Variants in ANKRD13A observed in about 807,000 individuals in gnomAD.
ANKRD13A encodes ankyrin repeat domain 13A.
In ANKRD13A, 48 loss-of-function variants were observed where a neutral mutation model predicts 81.3. The observed-to-expected ratio is 0.59, with a 90% CI of 0.47 to 0.75. The LOEUF (loss-of-function observed/expected upper bound fraction) is 0.75. Among genes scored for constraint, ANKRD13A ranks in the 30% least tolerant of loss-of-function variants. ANKRD13A has a pLI of 0.00. For missense variants in ANKRD13A, 612 were observed against 734.0 expected, an observed-to-expected ratio of 0.83 and a Z score of 1.92; for synonymous variants, 230 against 270.1, an observed-to-expected ratio of 0.85 and a Z score of 1.45.
At chr12:110,024,494 AT>A (rs1891223898) in intron 7 of ANKRD13A, among the ~76,000 whole-genome samples, 1 of 152,154 alleles carries the variant, frequency 6.6e-6, no homozygotes, top group Non-Finnish European at 1.5e-5. Flanking sequence ...TTTTTGTTAA[AT>A]CAGCTTAATT....
intron 4 of ANKRD13A, among the ~76,000 whole-genome samples, chr12:110,017,158 C>T (rs1028210702): frequency 3.3e-5 from 5 of 152,158 alleles, no homozygotes; most frequent in Non-Finnish European, 7.3e-5. Context: ...GATCCAACTG[C>T]CCCAGCCCCC....
At position 110,023,966 on chromosome 12, in the gene ANKRD13A, A is replaced by G. The variant is rs144337427; in HGVS notation, c.735-80A>G. The stretch of plus-strand genomic sequence containing the variant: ...CTTCACTAACTTAAGCTGGGGGGGA[A>G]AAAAACTATAAAGGCTACAGATATA... On this transcript the variant is annotated intron_variant, in intron 6 of 14. Transcript: ENST00000261739. The G allele has an allele frequency of 1.1e-4, 153 of 1,433,364 alleles. No homozygotes were observed. The Admixed American group carries it at 2.3e-3, about 22-fold the overall frequency. 88.8% of individuals were successfully genotyped at this position (1,433,364 alleles called of 1,614,324 possible).
At chr12:110,021,665 T>C (rs1254083776) in intron 6 of ANKRD13A, 1 of 152,368 alleles carries the variant, frequency 6.6e-6, no homozygotes, top group Non-Finnish European at 1.5e-5. Context: ...CCTCAGGTGA[T>C]CTGCCTACTT....
rs1593238555 is a variant in ANKRD13A, at chr12:110,038,331, G to T, written c.*777G>T. The T allele has an allele frequency of 5.2e-5, 8 of 152,780 alleles. 2 individuals carry two copies. Among genetic ancestry groups the T allele is most frequent in the Admixed American group, 5.2e-4 (8 of 15,302 alleles). 9.5% of individuals were successfully genotyped at this position (152,780 alleles called of 1,614,324 possible). Reference sequence around the variant, plus strand: ...GCAGGATTCTCCAGGCTAAATCAAAGGCAGCTAATCCTGTCCCTGAAGGAG... The same window carrying T: ...GCAGGATTCTCCAGGCTAAATCAAATGCAGCTAATCCTGTCCCTGAAGGAG... On this transcript the variant is annotated 3_prime_UTR_variant, in exon 15 of 15. Transcript: ENST00000261739.
rs2287175 is a variant in ANKRD13A, at chr12:110,037,732, C to T, written c.*178C>T. On this transcript the variant is annotated 3_prime_UTR_variant, in exon 15 of 15. Transcript: ENST00000261739. ...ACTCCTGGGCCCATCCAGGCTGCTC[C>T]CTGGGGTGGAGAAGGGACCAGGGAT... 0.04 allele frequency: 23,278 copies of T among 584,640 alleles called. 668 individuals carry two copies. Among genetic ancestry groups the T allele is most frequent in the African/African-American group, 0.092 (4,895 of 53,328 alleles). 36.2% of individuals were successfully genotyped at this position (584,640 alleles called of 1,614,324 possible). A position where few individuals can be genotyped will look rare whatever the true frequency, so the allele number is the denominator to read the frequency against.
rs772989142 is a variant in ANKRD13A, at chr12:110,037,556, C to A, written c.*2C>A. ...CAGCTGTCACTCACTGACAAATAGACCTTTCAGCCTGTGAGCCTCTGCACA... is the reference window on the plus strand; with the variant it reads ...CAGCTGTCACTCACTGACAAATAGAACTTTCAGCCTGTGAGCCTCTGCACA... On this transcript the variant is annotated 3_prime_UTR_variant, in exon 15 of 15. Transcript: ENST00000261739. 1.2e-6 allele frequency: 2 copies of A among 1,611,894 alleles called. No homozygotes were observed. Among genetic ancestry groups the A allele is most frequent in the Non-Finnish European group, 8.5e-7 (1 of 1,179,528 alleles).
intron 6 of ANKRD13A, chr12:110,021,624 C>T (rs1891087602): frequency 6.6e-6 from 1 of 152,068 alleles, no homozygotes; most frequent in African/African-American, 2.4e-5. Flanking sequence ...GGGGTTTCAC[C>T]ACGTTGGCCA....
Position 110,039,063 on chromosome 12 carries a change from G to GTT in ANKRD13A, c.*1512_*1513dup, listed in dbSNP as rs1211333897. The stretch of plus-strand genomic sequence containing the variant: ...TGCTTTTAATTCCATTTCACAATCT[G>GTT]TTTTGTTTTTTTTTTTTGTCATTGT... On this transcript the variant is annotated 3_prime_UTR_variant, in exon 15 of 15. Coordinates refer to ENST00000261739, the MANE Select transcript of ANKRD13A (RefSeq NM_033121.2). 1 of 144,854 alleles carries GTT rather than the reference G, an allele frequency of 6.9e-6. No homozygotes were observed. Among genetic ancestry groups the GTT allele is most frequent in the African/African-American group, 2.7e-5 (1 of 36,642 alleles). 9.0% of individuals were successfully genotyped at this position (144,854 alleles called of 1,614,324 possible).
chr12:110,026,734 T>C (rs1891365414), intron 8 of ANKRD13A, among the ~76,000 whole-genome samples: 1 of 151,798 alleles, frequency 6.6e-6, no homozygotes, highest in Admixed American at 6.6e-5. Context: ...ATACAAAAAT[T>C]AACCAGGCGT....
At position 110,036,144 on chromosome 12, in the gene ANKRD13A, A is replaced by G; in HGVS notation, c.1510-117A>G. 3.1e-6 allele frequency: 3 copies of G among 960,094 alleles called. No homozygotes were observed. Among genetic ancestry groups the G allele is most frequent in the South Asian group, 1.3e-5 (1 of 74,850 alleles). The allele number at this position is 960,094 out of a possible 1,614,324, so 59.5% of individuals were successfully genotyped here. A position where few individuals can be genotyped will look rare whatever the true frequency, so the allele number is the denominator to read the frequency against. On this transcript the variant is annotated intron_variant, in intron 13 of 14. Coordinates refer to ENST00000261739, the MANE Select transcript of ANKRD13A (RefSeq NM_033121.2). This position sits in a 1 kb window ranked among gnomAD's most constrained non-coding sequence, Gnocchi z 4.6. ...CCCTGTTAGCTTTTCACACAGCACT[A>G]TTGATAATGGTCATGGAAAGACTTT...
At chr12:110,022,261 A>G (rs563259297) in intron 6 of ANKRD13A, 5 of 152,252 alleles carry the variant, frequency 3.3e-5, no homozygotes, top group African/African-American at 1.2e-4. Context: ...CATCCTGGCT[A>G]ACACGGTGAA....
intron 1 of ANKRD13A, among the ~76,000 whole-genome samples, chr12:110,000,682 G>A (rs1889909219): frequency 1.3e-5 from 2 of 151,360 alleles, no homozygotes; most frequent in East Asian, 1.9e-4. Flanking sequence ...ACAGCCCCCC[G>A]CAACTAAGAC....
chr12:110,016,255 T>C, intron 3 of ANKRD13A, 133 bp from the exon 4 acceptor site: 1 of 653,118 alleles, frequency 1.5e-6, no homozygotes, highest in Non-Finnish European at 2.3e-6. Flanking sequence ...GCTAGGGGCT[T>C]ACATTTTATT....
intron 1 of ANKRD13A, among the ~76,000 whole-genome samples, chr12:110,006,479 C>G (rs1403642429): frequency 6.6e-6 from 1 of 152,138 alleles, no homozygotes; most frequent in African/African-American, 2.4e-5. Flanking sequence ...ATCTCAAATC[C>G]TTTGCCCATT....
chr12:110,008,963 T>C (rs1411021505), intron 1 of ANKRD13A, among the ~76,000 whole-genome samples: 1 of 152,094 alleles, frequency 6.6e-6, no homozygotes, highest in African/African-American at 2.4e-5. Context: ...GTTATAAACT[T>C]ATTCAGATTT....
chr12:110,000,929 G>A (rs1889933715), intron 1 of ANKRD13A, among the ~76,000 whole-genome samples: 1 of 151,416 alleles, frequency 6.6e-6, no homozygotes, highest in Admixed American at 6.6e-5. Context: ...GGCTAATTTT[G>A]TATTTTTAGT....
intron 3 of ANKRD13A, 83 bp downstream of exon 3, chr12:110,013,332 G>A (rs1175061275): frequency 1.9e-6 from 3 of 1,545,786 alleles, no homozygotes; most frequent in Admixed American, 1.8e-5. Context: ...ATCCTTGTGT[G>A]CCTTCCTAAA....
chr12:110,025,184 C>T (rs573680787), intron 7 of ANKRD13A, among the ~76,000 whole-genome samples: 78 of 152,156 alleles, frequency 5.1e-4, no homozygotes, highest in African/African-American at 1.8e-3. Flanking sequence ...GGTGAAACCC[C>T]GTCTCTACTA....
In ANKRD13A at chr12:110,034,595, C is replaced by T. The variant is rs532619025; in HGVS notation, c.1509+638C>T. On this transcript the variant is annotated intron_variant, in intron 13 of 14. Transcript: ENST00000261739. Reference sequence around the variant, plus strand: ...GGGACTAAAGTCATGCACCACTGTGCCCAGTAGAACAGTTGCCTTTTATTG... The same window carrying T: ...GGGACTAAAGTCATGCACCACTGTGTCCAGTAGAACAGTTGCCTTTTATTG... 6.6e-5 allele frequency among the ~76,000 whole-genome samples: 10 copies of T among 152,254 alleles called. No homozygotes were observed. In the East Asian group the frequency reaches 1.7e-3, roughly 26 times the overall value.
Sources: gnomAD v4.1 joint callset for allele counts (sites outside exome capture counted in the v4.1 genomes callset) on GRCh38, gnomAD v4.1.1 for gene constraint, Gnocchi (gnomAD v3.1) non-coding constraint, MANE v1.5 for transcripts, NCBI Gene and HGNC (gene_info 2026-07-23, HGNC 2026-07-21) for gene names.